IFT74: variants seen among roughly 807,000 people sequenced by gnomAD.
The protein encoded by IFT74 is intraflagellar transport protein 74 homolog.
Under a neutral mutation model 96.7 loss-of-function variants are expected in IFT74, and 92 were observed. The observed-to-expected ratio is 0.95, with a 90% CI of 0.80 to 1.13. The LOEUF (loss-of-function observed/expected upper bound fraction) is 1.13, where lower values mean the gene tolerates loss of function less well. Among genes scored for constraint, IFT74 ranks in the 50% most tolerant of loss-of-function variants. The probability of loss-of-function intolerance (pLI) is 0.00; values close to 1 mark genes in which losing one functional copy is unlikely to be tolerated. For missense variants in IFT74, 811 were observed against 698.2 expected, an observed-to-expected ratio of 1.16 and a Z score of -1.82; for synonymous variants, 223 against 213.2, an observed-to-expected ratio of 1.05 and a Z score of -0.40.
intron 8 of IFT74, chr9:26,995,964 G>T: frequency 2.6e-6 from 2 of 776,380 alleles, no homozygotes; most frequent in Non-Finnish European, 1.9e-6. Flanking sequence ...AACATACATT[G>T]TAGTTTTCTT....
At chr9:26,967,254 G>C (rs1826665926) in intron 2 of IFT74, among the ~76,000 whole-genome samples, 1 of 151,534 alleles carries the variant, frequency 6.6e-6, no homozygotes, top group African/African-American at 2.4e-5. Context: ...TCTATTTTTT[G>C]TTGTTCTCTT....
chr9:27,061,144 G>GGTGTGT lies in IFT74; in HGVS notation c.1684+513_1684+518dup, dbSNP rs34615635. Among the ~76,000 whole-genome samples, 76 of 149,878 alleles carry GGTGTGT rather than the reference G, an allele frequency of 5.1e-4. No homozygotes were observed. The South Asian group carries it at 5.9e-3, about 12-fold the overall frequency. On this transcript the variant is annotated intron_variant, in intron 19 of 19. Transcript: ENST00000380062. ...TGTTTCAATTCTACAGTAGTTAAGA[G>GGTGTGT]GTGTGTGTGTGTGTGTGTGTGTGTG...
At chr9:26,966,761 G>T (rs547143747) in intron 2 of IFT74, among the ~76,000 whole-genome samples, 2 of 151,966 alleles carry the variant, frequency 1.3e-5, no homozygotes, top group Non-Finnish European at 2.9e-5. Context: ...CAATGTTCTG[G>T]ATAATTTCCC....
chr9:26,999,531 C>G (rs1360071045), intron 8 of IFT74: 5 of 1,030,334 alleles, frequency 4.9e-6, no homozygotes, highest in Non-Finnish European at 7.0e-6. Flanking sequence ...TCTTTGCTTT[C>G]TTATTGCCCT....
chr9:26,970,731 G>T (rs1461114794), intron 2 of IFT74, among the ~76,000 whole-genome samples: 1 of 152,206 alleles, frequency 6.6e-6, no homozygotes, highest in Non-Finnish European at 1.5e-5. Context: ...CAGTCTTCCT[G>T]TGTCCAACAC....
intron 13 of IFT74, among the ~76,000 whole-genome samples, chr9:27,031,283 G>A (rs559281219): frequency 8.6e-5 from 13 of 151,972 alleles, no homozygotes; most frequent in Non-Finnish European, 4.4e-5. Flanking sequence ...TCGAGACCAC[G>A]GTGAAACCCT....
intron 13 of IFT74, among the ~76,000 whole-genome samples, chr9:27,033,736 T>C (rs184316822): frequency 2.8e-4 from 43 of 151,384 alleles, no homozygotes; most frequent in Admixed American, 9.2e-4. Flanking sequence ...ACTAGTACAT[T>C]CATGTTTATA....
At chr9:27,032,878 GA>G (rs534854824) in intron 13 of IFT74, among the ~76,000 whole-genome samples, 2,873 of 144,072 alleles carry the variant, frequency 0.02, 56 homozygotes, top group Admixed American at 0.028. Flanking sequence ...AGAAAAAAAA[GA>G]AAAAAAAAAG....
intron 3 of IFT74, 114 bp from the exon 4 acceptor site, chr9:26,980,457 G>T: frequency 1.4e-6 from 1 of 730,436 alleles, no homozygotes; most frequent in East Asian, 2.6e-5. Context: ...ATTCATTGGG[G>T]CATTCATGAA....
chr9:27,036,519 G>C lies in IFT74; in HGVS notation c.1054+7415G>C, dbSNP rs755631602. The C allele has an allele frequency of 1.3e-4, 202 of 1,613,318 alleles. No individual in the cohort carries two copies. The highest frequency in any genetic ancestry group is 1.6e-4 in the Middle Eastern group (1 of 6,080). Reference sequence around the variant, plus strand: ...AGTTTCAAAAAGCAAGTTTGAACCTGCCATGTGCTAAGCACTATGCTGAAT... The same window carrying C: ...AGTTTCAAAAAGCAAGTTTGAACCTCCCATGTGCTAAGCACTATGCTGAAT... On this transcript the variant is annotated intron_variant, in intron 13 of 19. Coordinates refer to ENST00000380062, the MANE Select transcript of IFT74 (RefSeq NM_025103.4).
chr9:26,974,157 C>T (rs973976892), intron 2 of IFT74, among the ~76,000 whole-genome samples: 1 of 152,050 alleles, frequency 6.6e-6, no homozygotes, highest in African/African-American at 2.4e-5. Flanking sequence ...GTTCTTGGCT[C>T]CCTGGAAGTC....
intron 17 of IFT74, 36 bp from the exon 18 acceptor site, chr9:27,056,298 T>A: frequency 6.9e-7 from 1 of 1,451,868 alleles, no homozygotes; most frequent in Non-Finnish European, 9.4e-7. Context: ...ACTACATATT[T>A]TCTATAACCT....
chr9:27,026,274 A>G (rs1279380746), intron 12 of IFT74, among the ~76,000 whole-genome samples: 1 of 152,220 alleles, frequency 6.6e-6, no homozygotes, highest in African/African-American at 2.4e-5. Context: ...ATCAAACAGG[A>G]AAATATCACA....
At chr9:26,978,375 C>T (rs1827218622) in intron 3 of IFT74, 112 bp downstream of exon 3, 2 of 1,042,034 alleles carry the variant, frequency 1.9e-6, no homozygotes, top group Non-Finnish European at 2.7e-6. Flanking sequence ...ATAAGTATTA[C>T]AGTACCATTT....
rs1563926488 is a variant in IFT74 at position 26,948,454 on chromosome 9, T to TATTATTA, written c.-20+1308_-20+1309insATTATTA. On this transcript the variant is annotated intron_variant, in intron 1 of 19. Coordinates refer to the IFT74 transcript ENST00000433700. The stretch of plus-strand genomic sequence containing the variant: ...CCTGTGATGGCTTTCCATTATTTTT[T>TATTATTA]TTTTTTTTTTTTTTTTTTTTTTTTT... 4.7e-3 allele frequency among the ~76,000 whole-genome samples: 159 copies of TATTATTA among 33,490 alleles called. 2 individuals are homozygous for TATTATTA. The highest frequency in any genetic ancestry group is 0.028 in the South Asian group (10 of 356). The allele number at this position is 33,490 out of a possible 152,430, so 22.0% of individuals were successfully genotyped here.
At chr9:27,048,425 G>A (rs1000091135) in intron 16 of IFT74, 151 bp downstream of exon 16, 1 of 548,476 alleles carries the variant, frequency 1.8e-6, no homozygotes. Context: ...CAGCTGGCTA[G>A]TATTATGTTG....
chr9:26,978,219 C>T lies in IFT74; in HGVS notation c.212C>T (p.Pro71Leu), dbSNP rs1240537493. Residue 71 changes from proline to leucine, a missense_variant, in exon 3 of 20, where the codon CCT becomes CTT. Physicochemically the swap from Pro to Leu is moderately conservative, Grantham distance 98. Coordinates refer to ENST00000380062, the MANE Select transcript of IFT74 (RefSeq NM_025103.4). ...LSSQIKVAHR[P>L]VTQQGLTGMK... Reference sequence around the variant, plus strand: ...TCTCAAATCAAAGTTGCCCATCGCCCTGTAACACAACAAGGTTTGACTGGA... The same window carrying T: ...TCTCAAATCAAAGTTGCCCATCGCCTTGTAACACAACAAGGTTTGACTGGA... 1.9e-6 allele frequency: 3 copies of T among 1,613,344 alleles called. No homozygotes were observed. The highest frequency in any genetic ancestry group is 2.5e-6 in the Non-Finnish European group (3 of 1,179,868).
intron 13 of IFT74, 55 bp from the exon 14 acceptor site, chr9:27,044,687 A>G (rs745809084): frequency 3.9e-5 from 38 of 973,016 alleles, no homozygotes; most frequent in Non-Finnish European, 5.8e-5. Context: ...TTTTTAATTT[A>G]GAGCCCTGTA....
chr9:26,997,888 T>A (rs1828248361), intron 8 of IFT74: 3 of 1,614,184 alleles, frequency 1.9e-6, no homozygotes, highest in Middle Eastern at 1.6e-4. Flanking sequence ...GTTTTAGGCT[T>A]CTTAGAGGCA....
Sources: allele counts gnomAD v4.1 joint callset (sites outside exome capture counted in the v4.1 genomes callset), GRCh38; gene constraint gnomAD v4.1.1; transcripts MANE v1.5; gene names NCBI Gene and HGNC (gene_info 2026-07-23, HGNC 2026-07-21).